EYA3: variants seen among roughly 807,000 people sequenced by gnomAD.
EYA3 encodes protein phosphatase EYA3.
In EYA3, 39 loss-of-function variants were observed where a neutral mutation model predicts 80.0. The observed-to-expected ratio is 0.49, with a 90% CI of 0.38 to 0.64. The LOEUF is 0.64. Among genes scored for constraint, EYA3 ranks in the 30% least tolerant of loss-of-function variants. The pLI, the probability that EYA3 is intolerant of heterozygous loss-of-function variation, is 0.00. For synonymous variants in EYA3, 206 were observed against 232.8 expected (o/e 0.88, Z 1.05); for missense variants, 523 against 676.1 (o/e 0.77, Z 2.51).
chr1:28,064,333 G>A (rs2148913656), intron 1 of EYA3, among the ~76,000 whole-genome samples: 1 of 150,006 alleles, frequency 6.7e-6, no homozygotes, highest in East Asian at 2.0e-4. Context: ...TCAACATGCA[G>A]TTAGGTAGAG....
chr1:28,076,695 A>AG (rs1190987632), intron 1 of EYA3, among the ~76,000 whole-genome samples: 2 of 2,976 alleles, frequency 6.7e-4, no homozygotes, highest in African/African-American at 3.1e-3. Flanking sequence ...AAGAAAGAAA[A>AG]GAAAAAAAAT....
rs1004748676 is a variant in EYA3, at chr1:27,974,365, C to T, written c.*101G>A. The T allele has an allele frequency of 1.3e-6, 1 of 772,300 alleles. No homozygotes were observed. The highest frequency in any genetic ancestry group is 2.6e-5 in the East Asian group (1 of 38,306). 47.8% of individuals were successfully genotyped at this position (772,300 alleles called of 1,614,324 possible). A position where few individuals can be genotyped will look rare whatever the true frequency, so the allele number is the denominator to read the frequency against. ...AAAGAGAGAGAGATAGAGACAGAGA[C>T]ACAGAGAGAGACAGACAGAGAAAGT... On this transcript the variant is annotated 3_prime_UTR_variant, in exon 18 of 18. Transcript: ENST00000373871.
At chr1:28,055,497 C>T (rs576160198) in intron 2 of EYA3, among the ~76,000 whole-genome samples, 2 of 134,458 alleles carry the variant, frequency 1.5e-5, no homozygotes, top group African/African-American at 2.9e-5. Flanking sequence ...GACAGAGTCT[C>T]ACCCACTCTG....
intron 7 of EYA3, among the ~76,000 whole-genome samples, chr1:28,020,146 G>T (rs1430021677): frequency 6.6e-6 from 1 of 152,110 alleles, no homozygotes. Context: ...AGGTAAAATG[G>T]TAGACCTTAA....
intron 11 of EYA3, among the ~76,000 whole-genome samples, chr1:28,001,423 T>C (rs1290269499): frequency 2.0e-5 from 3 of 151,072 alleles, no homozygotes. Context: ...CTGTTTTTCA[T>C]GAAATAATAT....
At chr1:28,077,177 C>A (rs1465011114) in intron 1 of EYA3, among the ~76,000 whole-genome samples, 2 of 146,446 alleles carry the variant, frequency 1.4e-5, no homozygotes, top group African/African-American at 5.1e-5. Context: ...AATCTCGGCT[C>A]ACTGCAACCT....
chr1:27,990,081 G>A (rs1639941399), intron 14 of EYA3: 1 of 184,254 alleles, frequency 5.4e-6, no homozygotes. Context: ...AGGGTCAGCA[G>A]TGGAGTACAT....
chr1:28,057,866 TGAAAG>T, intron 2 of EYA3, 123 bp downstream of exon 2: 2 of 545,054 alleles, frequency 3.7e-6, no homozygotes, highest in East Asian at 6.4e-5. Flanking sequence ...ATTGTTTTCT[TGAAAG>T]GAAACAAGGA....
At chr1:28,003,528 A>C (rs1641047628) in intron 11 of EYA3, among the ~76,000 whole-genome samples, 1 of 152,150 alleles carries the variant, frequency 6.6e-6, no homozygotes, top group Non-Finnish European at 1.5e-5. Context: ...CAAAAACATT[A>C]GTAACCATAT....
intron 1 of EYA3, among the ~76,000 whole-genome samples, chr1:28,063,728 A>T (rs1644727939): frequency 6.6e-6 from 1 of 152,226 alleles, no homozygotes; most frequent in Non-Finnish European, 1.5e-5. Flanking sequence ...GTGAAGTCTG[A>T]AATTTTAAAA....
intron 1 of EYA3, among the ~76,000 whole-genome samples, chr1:28,076,581 C>G (rs1645210579): frequency 6.7e-6 from 1 of 148,844 alleles, no homozygotes; most frequent in African/African-American, 2.5e-5. Context: ...TGTGGTGGCA[C>G]ATGCCTGTAG....
intron 14 of EYA3, 113 bp from the exon 15 acceptor site, chr1:27,989,924 G>A: frequency 1.9e-6 from 1 of 535,330 alleles, no homozygotes; most frequent in South Asian, 2.3e-5. Context: ...ATATTCTACT[G>A]AGTATGTTTA....
chr1:28,035,404 C>A (rs1384387289), intron 6 of EYA3, 140 bp downstream of exon 6: 5 of 777,410 alleles, frequency 6.4e-6, no homozygotes, highest in African/African-American at 1.8e-5. Context: ...TTATTACATG[C>A]ATCAAACATA....
chr1:27,998,232 T>C (rs574921061), intron 12 of EYA3: 1 of 740,074 alleles, frequency 1.4e-6, no homozygotes, highest in East Asian at 1.3e-4. Flanking sequence ...TCTCCACTTT[T>C]AAGAAGCTCC....
chr1:28,086,365 C>A (rs1311381615), intron 1 of EYA3, among the ~76,000 whole-genome samples: 1 of 152,082 alleles, frequency 6.6e-6, no homozygotes, highest in East Asian at 1.9e-4. Flanking sequence ...AGGCGCACAC[C>A]ACTACACCAA....
In EYA3 at chr1:27,977,413, G is replaced by A. The variant is rs548178648; in HGVS notation, c.1641+961C>T. ...TGCTGGAAGAAAATAAATTGGGATA[G>A]GGAGGGAAAGAACTTCTACAGATCC... On this transcript the variant is annotated intron_variant, in intron 17 of 17. Coordinates refer to ENST00000373871, the MANE Select transcript of EYA3 (RefSeq NM_001990.4). 4 of 1,547,784 alleles carry A rather than the reference G, an allele frequency of 2.6e-6. No homozygotes were observed. In the African/African-American group the frequency reaches 5.5e-5, roughly 21 times the overall value.
intron 7 of EYA3, among the ~76,000 whole-genome samples, chr1:28,022,365 G>A (rs184366754): frequency 3.0e-4 from 46 of 151,824 alleles, no homozygotes; most frequent in Non-Finnish European, 5.3e-4. Context: ...AGCCAGGATG[G>A]TCTCGATCTC....
intron 4 of EYA3, 22 bp from the exon 5 acceptor site, chr1:28,038,927 C>A: frequency 6.4e-7 from 1 of 1,558,010 alleles, no homozygotes; most frequent in South Asian, 1.2e-5. Flanking sequence ...ATAATATCAC[C>A]AGGTTAAAAA....
At chr1:28,087,678 G>A (rs545879839) in intron 1 of EYA3, among the ~76,000 whole-genome samples, 2 of 152,202 alleles carry the variant, frequency 1.3e-5, no homozygotes, top group Non-Finnish European at 2.9e-5. Context: ...AAATATTGGC[G>A]TTTTTGCCTC....
Sources: gnomAD v4.1 joint callset for allele counts (sites outside exome capture counted in the v4.1 genomes callset) on GRCh38, gnomAD v4.1.1 for gene constraint, MANE v1.5 for transcripts, NCBI Gene and HGNC (gene_info 2026-07-23, HGNC 2026-07-21) for gene names.